Variants in FYB1 observed in about 807,000 individuals in gnomAD.
FYB1 encodes FYN-binding protein 1.
FYB1 carries 41 observed loss-of-function variants against 94.1 expected under a neutral mutation model. The ratio of observed to expected loss-of-function variants is 0.44; its 90% CI spans 0.34 to 0.57. The LOEUF (loss-of-function observed/expected upper bound fraction) is 0.57. Among genes scored for constraint, FYB1 ranks in the 20% least tolerant of loss-of-function variants. FYB1 has a pLI of 0.02. For missense variants in FYB1, 1,050 were observed against 976.8 expected (o/e 1.07, Z -1.00); for synonymous variants, 367 against 353.2 (o/e 1.04, Z -0.44).
chr5:39,257,521 C>A (rs1004027134), intron 1 of FYB1, among the ~76,000 whole-genome samples: 2 of 151,596 alleles, frequency 1.3e-5, no homozygotes. Flanking sequence ...ACACATAAAC[C>A]CATGCAACTC....
intron 9 of FYB1, among the ~76,000 whole-genome samples, chr5:39,132,769 C>A (rs898396923): frequency 1.3e-5 from 2 of 152,086 alleles, no homozygotes. Context: ...GGAATTCTTT[C>A]ACCAAAAATT....
intron 1 of FYB1, among the ~76,000 whole-genome samples, chr5:39,238,028 T>C (rs574480213): frequency 1.3e-5 from 2 of 152,210 alleles, no homozygotes; most frequent in East Asian, 3.9e-4. Flanking sequence ...AATACATCGG[T>C]GGATGTAATC....
chr5:39,203,010 A>G (rs750910545), intron 1 of FYB1, 23 bp from the exon 2 acceptor site: 2 of 1,603,022 alleles, frequency 1.2e-6, no homozygotes, highest in Non-Finnish European at 1.7e-6. Flanking sequence ...GGAACAAAAA[A>G]TAGCTGAGAG....
intron 2 of FYB1, among the ~76,000 whole-genome samples, chr5:39,198,578 G>A (rs1220417552): frequency 2.6e-5 from 4 of 152,092 alleles, no homozygotes; most frequent in African/African-American, 7.2e-5. Context: ...TGGTACAAAA[G>A]CAATATGCAT....
chr5:39,208,438 T>G (rs1749050629), intron 1 of FYB1, among the ~76,000 whole-genome samples: 1 of 152,214 alleles, frequency 6.6e-6, no homozygotes, highest in Non-Finnish European at 1.5e-5. Context: ...TCTTTGATAA[T>G]TTTTTACCAT....
chr5:39,115,902 C>T (rs1739520736), intron 16 of FYB1, among the ~76,000 whole-genome samples: 1 of 152,210 alleles, frequency 6.6e-6, no homozygotes, highest in African/African-American at 2.4e-5. Context: ...ATCCAACTGA[C>T]AGTACTTGCA....
intron 1 of FYB1, among the ~76,000 whole-genome samples, chr5:39,264,610 C>A (rs939841442): frequency 4.6e-5 from 7 of 152,158 alleles, no homozygotes; most frequent in African/African-American, 1.7e-4. Context: ...ACCTCTTTTG[C>A]ACCTGCCACT....
chr5:39,255,830 C>T (rs78232617), intron 1 of FYB1, among the ~76,000 whole-genome samples: 3,230 of 152,238 alleles, frequency 0.021, 110 homozygotes, highest in African/African-American at 0.071. Flanking sequence ...CCAATCCAGT[C>T]TCAGTGTGGA....
At chr5:39,229,228 G>A (rs541837451) in intron 1 of FYB1, among the ~76,000 whole-genome samples, 3 of 152,160 alleles carry the variant, frequency 2.0e-5, no homozygotes, top group Non-Finnish European at 4.4e-5. Context: ...GTAAAACACA[G>A]TAGGACTCTG....
chr5:39,127,529 A>G (rs2150301847), intron 11 of FYB1, among the ~76,000 whole-genome samples: 3 of 150,378 alleles, frequency 2.0e-5, no homozygotes, highest in Admixed American at 2.0e-4. Context: ...TGCTGTAGTT[A>G]TTGAAGTTCT....
chr5:39,170,235 G>A, intron 2 of FYB1: 3 of 945,164 alleles, frequency 3.2e-6, no homozygotes, highest in Non-Finnish European at 3.3e-6. Context: ...TGATGTTGCT[G>A]GTGGTGGTGT....
At chr5:39,246,709 C>T (rs1253509043) in intron 1 of FYB1, among the ~76,000 whole-genome samples, 1 of 151,960 alleles carries the variant, frequency 6.6e-6, no homozygotes, top group East Asian at 1.9e-4. Context: ...GTGTAGTATA[C>T]CTAGATAAGG....
intron 1 of FYB1, among the ~76,000 whole-genome samples, chr5:39,231,315 A>T (rs1259156974): frequency 6.6e-6 from 1 of 152,160 alleles, no homozygotes; most frequent in African/African-American, 2.4e-5. Flanking sequence ...CACCTGGCAC[A>T]GTGCTTGGCA....
chr5:39,273,956 G>C (rs189952833), intron 1 of FYB1, among the ~76,000 whole-genome samples: 23 of 150,918 alleles, frequency 1.5e-4, no homozygotes, highest in African/African-American at 5.6e-4. Context: ...ACAGAGTCTT[G>C]CTCTGTCCCC....
In FYB1 at chr5:39,201,864, A is replaced by G. The variant is rs778376181; in HGVS notation, c.1097T>C (p.Val366Ala). The G allele has an allele frequency of 2.5e-6, 4 of 1,613,862 alleles. No homozygotes were observed. The African/African-American group carries it at 4.0e-5, about 16-fold the overall frequency. The change falls in exon 2 of 19, where the codon GTT becomes GCT. Residue 366 changes from valine to alanine, a missense_variant. Val to Ala is a moderately conservative substitution (Grantham distance 64, BLOSUM62 0). Coordinates refer to ENST00000512982, the MANE Select transcript of FYB1 (RefSeq NM_001465.6). ...GGTTTTGTGGAATTTCGTCAGGTCA[A>G]CATTTGGTGGTCTGTTGGGTTTTGG... ...PPPKPNRPPN[V>A]DLTKFHKTSS...
intron 1 of FYB1, among the ~76,000 whole-genome samples, chr5:39,204,211 C>T (rs1748636917): frequency 6.6e-6 from 1 of 152,176 alleles, no homozygotes; most frequent in African/African-American, 2.4e-5. Flanking sequence ...AGCCCCTATG[C>T]TATTTCCTCT....
At chr5:39,208,310 A>G (rs1749038301) in intron 1 of FYB1, among the ~76,000 whole-genome samples, 1 of 152,190 alleles carries the variant, frequency 6.6e-6, no homozygotes, top group African/African-American at 2.4e-5. Flanking sequence ...ACTCTTCCCT[A>G]TATAAAGCCC....
At chr5:39,110,139 T>A (rs538217097) in intron 17 of FYB1, among the ~76,000 whole-genome samples, 1 of 152,246 alleles carries the variant, frequency 6.6e-6, no homozygotes, top group African/African-American at 2.4e-5. Flanking sequence ...CAATTTTAAA[T>A]GAGAAGGGCT....
At chr5:39,239,178 A>G (rs1421098) in intron 1 of FYB1, among the ~76,000 whole-genome samples, 2 of 152,104 alleles carry the variant, frequency 1.3e-5, no homozygotes, top group African/African-American at 2.4e-5. Flanking sequence ...AATAAGCGGC[A>G]TCTATGGCCA....
Sources: gnomAD v4.1 joint callset for allele counts (sites outside exome capture counted in the v4.1 genomes callset) on GRCh38, gnomAD v4.1.1 for gene constraint, MANE v1.5 for transcripts, NCBI Gene and HGNC (gene_info 2026-07-23, HGNC 2026-07-21) for gene names.